Variants in METTL8 observed in about 807,000 individuals in gnomAD.
METTL8 encodes the protein tRNA N(3)-cytidine methyltransferase METTL8, mitochondrial.
A neutral mutation model predicts 48.7 loss-of-function variants in METTL8; 32 were observed. That is an observed-to-expected ratio of 0.66 (90% CI 0.50 to 0.88). The LOEUF (loss-of-function observed/expected upper bound fraction) is 0.88. Ranked by LOEUF, METTL8 falls within the 40% of genes least tolerant of loss-of-function variation. The pLI, the probability that METTL8 is intolerant of heterozygous loss-of-function variation, is 0.00. For missense variants in METTL8, 464 were observed against 474.4 expected (o/e 0.98, Z 0.20); for synonymous variants, 136 against 157.1 (o/e 0.87, Z 1.01).
rs537255412 is a variant in METTL8, at chr2:171,349,970, A to G, written c.236-10416T>C. Among the ~76,000 whole-genome samples, 11 of 152,134 alleles carry G rather than the reference A, an allele frequency of 7.2e-5. No homozygotes were observed. In the East Asian group the frequency reaches 2.1e-3, roughly 29 times the overall value. The stretch of plus-strand genomic sequence containing the variant: ...AACCTAAATATTTGTCTTTTCTTTT[A>G]TTATTGTTATACTTTAAGTTCTAAG... On this transcript the variant is annotated intron_variant, in intron 3 of 9. Coordinates refer to ENST00000375258, the MANE Select transcript of METTL8 (RefSeq NM_001321154.2).
chr2:171,406,194 G>A (rs1690161540), intron 1 of METTL8, among the ~76,000 whole-genome samples: 1 of 152,196 alleles, frequency 6.6e-6, no homozygotes, highest in African/African-American at 2.4e-5. Flanking sequence ...TGATTGGTTA[G>A]GAAGTGGGCA....
At chr2:171,324,458 T>A in intron 9 of METTL8, 96 bp from the exon 10 acceptor site, 1 of 1,088,430 alleles carries the variant, frequency 9.2e-7, no homozygotes, top group Non-Finnish European at 1.3e-6. Flanking sequence ...CCATCTAAAT[T>A]TCATTTATAC....
intron 5 of METTL8, among the ~76,000 whole-genome samples, chr2:171,334,762 A>G (rs1011469779): frequency 9.2e-5 from 14 of 152,344 alleles, no homozygotes; most frequent in Middle Eastern, 3.4e-3. Context: ...TGAGGAACCA[A>G]GAGCTTGCAA....
At chr2:171,418,735 C>T (rs552753569) in intron 1 of METTL8, among the ~76,000 whole-genome samples, 16 of 152,156 alleles carry the variant, frequency 1.1e-4, no homozygotes, top group African/African-American at 3.4e-4. Flanking sequence ...TGGAGGATCA[C>T]CTAAGCTCAG....
chr2:171,363,973 C>T (rs1422057438), intron 2 of METTL8, among the ~76,000 whole-genome samples: 1 of 151,154 alleles, frequency 6.6e-6, no homozygotes, highest in Non-Finnish European at 1.5e-5. Flanking sequence ...CCACCATACC[C>T]GGCTAATTTT....
chr2:171,341,834 T>TACACACACACACAC (rs56145145), intron 3 of METTL8, among the ~76,000 whole-genome samples: 1 of 147,192 alleles, frequency 6.8e-6, no homozygotes, highest in African/African-American at 2.5e-5. Flanking sequence ...AATATTCATG[T>TACACACACACACAC]ACACACACAC....
At chr2:171,363,835 T>C (rs1235795952) in intron 2 of METTL8, among the ~76,000 whole-genome samples, 12 of 143,920 alleles carry the variant, frequency 8.3e-5, no homozygotes, top group Non-Finnish European at 1.8e-4. Context: ...TTTTTTGAGA[T>C]GGAGTCTCGC....
intron 2 of METTL8, among the ~76,000 whole-genome samples, chr2:171,378,315 C>T (rs1172577450): frequency 1.3e-5 from 2 of 152,126 alleles, no homozygotes; most frequent in Admixed American, 6.6e-5. Flanking sequence ...GACTTTAAAC[C>T]AACAAAGATC....
intron 1 of METTL8, among the ~76,000 whole-genome samples, chr2:171,421,496 C>T (rs979322770): frequency 7.0e-6 from 1 of 142,940 alleles, no homozygotes; most frequent in African/African-American, 2.6e-5. Flanking sequence ...CACACACACA[C>T]ATCATTTATA....
rs1006786585 is a variant in METTL8, at chr2:171,331,408, G to A, written c.720+396C>T. Among the ~76,000 whole-genome samples, 10 of 144,962 alleles carry A rather than the reference G, an allele frequency of 6.9e-5. 1 individual carries two copies. The highest frequency in any genetic ancestry group is 2.1e-4 in the Admixed American group (3 of 14,416). On this transcript the variant is annotated intron_variant, in intron 6 of 9. Transcript: ENST00000375258. ...ACAGGCGTGAGCCACCATGCCTGGCGCTGTTGGCCTTTCATCTTTTTTTTT... is the reference window on the plus strand; with the variant it reads ...ACAGGCGTGAGCCACCATGCCTGGCACTGTTGGCCTTTCATCTTTTTTTTT...
At chr2:171,336,624 T>C (rs1686142789) in intron 5 of METTL8, among the ~76,000 whole-genome samples, 1 of 151,902 alleles carries the variant, frequency 6.6e-6, no homozygotes, top group African/African-American at 2.4e-5. Context: ...GATCGGCTTT[T>C]TTGAGTCTTA....
At chr2:171,355,949 ATGCTCCGTGGGCTGCATCCACTGTCC>A (rs1268784845) in intron 3 of METTL8, among the ~76,000 whole-genome samples, 1 of 152,068 alleles carries the variant, frequency 6.6e-6, no homozygotes, top group African/African-American at 2.4e-5. Flanking sequence ...GCTTTGGCTC[ATGCTCCGTGGGCTGCATCCACTGTCC>A]TGCACCCACT....
chr2:171,330,626 G>A lies in METTL8; in HGVS notation c.793C>T (p.Pro265Ser). The part of the protein sequence containing the change: ...HDVCDDGLPY[P>S]FPDGILDVIL... ...ACATCCAGGATCCCATCTGGAAAAGGGTAAGGTAAGCCATCATCACATACA... is the reference window on the plus strand; with the variant it reads ...ACATCCAGGATCCCATCTGGAAAAGAGTAAGGTAAGCCATCATCACATACA... The change falls in exon 7 of 10, where the codon CCT becomes TCT. Residue 265 changes from proline (P) to serine (S), a missense_variant. Transcript: ENST00000375258. 6.2e-7 allele frequency: 1 copy of A among 1,613,504 alleles called. No individual in the cohort carries two copies. The highest frequency in any genetic ancestry group is 2.2e-5 in the East Asian group (1 of 44,862).
At chr2:171,392,656 C>A (rs1688683401) in intron 1 of METTL8, among the ~76,000 whole-genome samples, 1 of 152,084 alleles carries the variant, frequency 6.6e-6, no homozygotes, top group South Asian at 2.1e-4. Flanking sequence ...AACTCTCATT[C>A]TCCGTGCTGA....
rs192762675 is a variant in METTL8, at chr2:171,361,151, A to C, written c.144-638T>G. Among the ~76,000 whole-genome samples, 304 of 152,278 alleles carry C rather than the reference A, an allele frequency of 2.0e-3. 3 individuals carry two copies. The highest frequency in any genetic ancestry group is 6.8e-3 in the African/African-American group (282 of 41,558). On this transcript the variant is annotated intron_variant, in intron 2 of 9. Transcript: ENST00000375258. ...CAGAATCGACTCTCCCTATATGAGAAGATACTATTTTCTGCTGCACAAAAA... is the reference window on the plus strand; with the variant it reads ...CAGAATCGACTCTCCCTATATGAGACGATACTATTTTCTGCTGCACAAAAA...
At chr2:171,418,063 C>A (rs1691493846) in intron 1 of METTL8, among the ~76,000 whole-genome samples, 2 of 152,218 alleles carry the variant, frequency 1.3e-5, no homozygotes, top group South Asian at 2.1e-4. Context: ...CCTGCCTTAG[C>A]CTCCCGAGTA....
At chr2:171,371,870 T>G (rs1244056214) in intron 2 of METTL8, among the ~76,000 whole-genome samples, 1 of 145,100 alleles carries the variant, frequency 6.9e-6, no homozygotes, top group South Asian at 2.2e-4. Context: ...TTATTATTAT[T>G]GTAGAGACGG....
intron 2 of METTL8, among the ~76,000 whole-genome samples, chr2:171,389,514 CAAAAAAAAAAAAAA>C (rs56087323): frequency 3.8e-5 from 2 of 52,022 alleles, no homozygotes; most frequent in African/African-American, 9.1e-5. Flanking sequence ...CCCTGTCTCA[CAAAAAAAAAAAAAA>C]AAAAAAAAAA....
intron 2 of METTL8, among the ~76,000 whole-genome samples, chr2:171,364,378 A>G (rs1366592727): frequency 6.6e-6 from 1 of 152,164 alleles, no homozygotes; most frequent in Non-Finnish European, 1.5e-5. Flanking sequence ...CCTTATAATA[A>G]GAAGGAAGTT....
Sources: gnomAD v4.1 joint callset for allele counts (sites outside exome capture counted in the v4.1 genomes callset) on GRCh38, gnomAD v4.1.1 for gene constraint, MANE v1.5 for transcripts, NCBI Gene and HGNC (gene_info 2026-07-23, HGNC 2026-07-21) for gene names.